The following SGCZ variants were observed in gnomAD, a reference collection of about 807,000 sequenced individuals.
SGCZ encodes sarcoglycan zeta.
In SGCZ, 40 loss-of-function variants were observed where a neutral mutation model predicts 41.3. That is an observed-to-expected ratio of 0.97 (90% CI 0.75 to 1.26). The LOEUF (loss-of-function observed/expected upper bound fraction) is 1.26. Ranked by LOEUF, SGCZ falls within the 50% of genes most tolerant of loss-of-function variation. SGCZ has a pLI of 0.00. For missense variants in SGCZ, 552 were observed against 369.8 expected, an observed-to-expected ratio of 1.49 and a Z score of -4.04; for synonymous variants, 206 against 137.5, an observed-to-expected ratio of 1.50 and a Z score of -3.49.
chr8:14,815,609 G>C (rs949089772), intron 1 of SGCZ, among the ~76,000 whole-genome samples: 7 of 152,126 alleles, frequency 4.6e-5, no homozygotes, highest in African/African-American at 1.4e-4. Context: ...GTACCACACA[G>C]AGTATGTATA....
At chr8:14,435,296 AT>A (rs1800057679) in intron 2 of SGCZ, among the ~76,000 whole-genome samples, 2 of 152,298 alleles carry the variant, frequency 1.3e-5, no homozygotes, top group African/African-American at 4.8e-5. Context: ...TTGTTCACCT[AT>A]TAAAATCCCA....
chr8:15,210,730 G>A (rs12386861), intron 1 of SGCZ, among the ~76,000 whole-genome samples: 118,711 of 152,050 alleles, frequency 0.78, 46,855 homozygotes, highest in Non-Finnish European at 0.83. Flanking sequence ...CCTTGCAGAC[G>A]TCCACACCAG....
intron 1 of SGCZ, among the ~76,000 whole-genome samples, chr8:14,955,337 C>T (rs942434384): frequency 1.3e-5 from 2 of 152,110 alleles, no homozygotes; most frequent in African/African-American, 4.8e-5. Context: ...TCAGTTTGTC[C>T]TTCCAAACAC....
intron 2 of SGCZ, among the ~76,000 whole-genome samples, chr8:14,393,899 C>T (rs1202310394): frequency 6.6e-6 from 1 of 152,096 alleles, no homozygotes; most frequent in Non-Finnish European, 1.5e-5. Flanking sequence ...TTTTCTATTG[C>T]CACCTTTCCA....
intron 3 of SGCZ, among the ~76,000 whole-genome samples, chr8:14,271,640 GA>G (rs1183520334): frequency 6.6e-6 from 1 of 152,074 alleles, no homozygotes; most frequent in African/African-American, 2.4e-5. Flanking sequence ...TATATAGAAA[GA>G]TTTTTTTCCT....
chr8:15,183,821 T>C (rs1480944876), intron 1 of SGCZ, among the ~76,000 whole-genome samples: 1 of 152,196 alleles, frequency 6.6e-6, no homozygotes, highest in Non-Finnish European at 1.5e-5. Context: ...CAACTTATGA[T>C]CTGTTCTCAC....
rs189422989 is a variant in SGCZ, at chr8:15,178,268, G to A, written c.39+59317C>T. Among the ~76,000 whole-genome samples the A allele has an allele frequency of 3.3e-3, 508 of 151,848 alleles. 6 individuals carry two copies. The highest frequency in any genetic ancestry group is 2.7e-3 in the East Asian group (14 of 5,146). On this transcript the variant is annotated intron_variant, in intron 1 of 7. Coordinates refer to ENST00000382080, the MANE Select transcript of SGCZ (RefSeq NM_139167.4). ...AAATCCCTTTGATGATAATGCAAGA[G>A]CATTACATTTTTCTATAAATTTTGT...
In SGCZ at chr8:14,421,508, C is replaced by G. The variant is rs889041880; in HGVS notation, c.235-97304G>C. The stretch of plus-strand genomic sequence containing the variant: ...TCCAAGGTATTCTTATTTCAGTGTC[C>G]AAATTTGAAATTCCTGGACATGTCT... On this transcript the variant is annotated intron_variant, in intron 2 of 7. Coordinates refer to ENST00000382080, the MANE Select transcript of SGCZ (RefSeq NM_139167.4). Among the ~76,000 whole-genome samples, 4 of 152,026 alleles carry G rather than the reference C, an allele frequency of 2.6e-5. 1 individual carries two copies. The highest frequency in any genetic ancestry group is 5.9e-5 in the Non-Finnish European group (4 of 67,996).
chr8:14,778,684 A>C (rs1458172460), intron 1 of SGCZ, among the ~76,000 whole-genome samples: 1 of 152,202 alleles, frequency 6.6e-6, no homozygotes, highest in Non-Finnish European at 1.5e-5. Flanking sequence ...CAATATTTCA[A>C]TGACGAGGAA....
At chr8:14,992,474 A>G (rs1003414816) in intron 1 of SGCZ, among the ~76,000 whole-genome samples, 1 of 147,938 alleles carries the variant, frequency 6.8e-6, no homozygotes, top group Non-Finnish European at 1.5e-5. Context: ...ATCTACTCCC[A>G]AATCTACTCC....
At chr8:14,967,956 A>C (rs1193654521) in intron 1 of SGCZ, among the ~76,000 whole-genome samples, 1 of 152,168 alleles carries the variant, frequency 6.6e-6, no homozygotes, top group African/African-American at 2.4e-5. Context: ...TCACATATAA[A>C]GTGTTCAGTA....
intron 2 of SGCZ, among the ~76,000 whole-genome samples, chr8:14,525,913 C>A (rs1409246045): frequency 6.6e-6 from 1 of 151,780 alleles, no homozygotes; most frequent in African/African-American, 2.4e-5. Flanking sequence ...TTACTTATTT[C>A]TCAGTATAAG....
In SGCZ at chr8:14,708,634, T is replaced by G. The variant is rs185620887; in HGVS notation, c.40-153708A>C. Among the ~76,000 whole-genome samples the G allele has an allele frequency of 1.7e-3, 263 of 152,150 alleles. 2 individuals carry two copies. Among genetic ancestry groups the G allele is most frequent in the African/African-American group, 6.2e-3 (258 of 41,532 alleles). On this transcript the variant is annotated intron_variant, in intron 1 of 7. Coordinates refer to ENST00000382080, the MANE Select transcript of SGCZ (RefSeq NM_139167.4). Reference sequence around the variant, plus strand: ...ACAGAAAACTGGTTTTAACAATCAGTTTGAAAAAAATTGACACACCATGCA... The same window carrying G: ...ACAGAAAACTGGTTTTAACAATCAGGTTGAAAAAAATTGACACACCATGCA...
chr8:14,404,805 G>C (rs532977237), intron 2 of SGCZ, among the ~76,000 whole-genome samples: 17 of 152,216 alleles, frequency 1.1e-4, no homozygotes, highest in Middle Eastern at 3.4e-3. Context: ...AAATTACATC[G>C]TCTAGGCTTC....
At chr8:14,247,551 C>G (rs7013623) in intron 3 of SGCZ, among the ~76,000 whole-genome samples, 20,834 of 152,250 alleles carry the variant, frequency 0.14, 1,567 homozygotes, top group Admixed American at 0.2. Context: ...AGTACTATCT[C>G]TATCTAAAGT....
At chr8:14,443,357 A>G (rs565327845) in intron 2 of SGCZ, among the ~76,000 whole-genome samples, 3 of 152,320 alleles carry the variant, frequency 2.0e-5, no homozygotes, top group South Asian at 4.1e-4. Flanking sequence ...CGCCAAGTCA[A>G]TCCTAAGCCA....
chr8:14,642,387 T>A (rs118081845), intron 1 of SGCZ, among the ~76,000 whole-genome samples: 11 of 151,660 alleles, frequency 7.3e-5, no homozygotes, highest in African/African-American at 2.2e-4. Context: ...CCATTTTTAA[T>A]ATCTATAGAC....
intron 1 of SGCZ, among the ~76,000 whole-genome samples, chr8:14,856,254 G>T (rs1474042155): frequency 6.6e-6 from 1 of 152,082 alleles, no homozygotes; most frequent in Non-Finnish European, 1.5e-5. Flanking sequence ...CTACATACTG[G>T]CACATCGATG....
chr8:14,424,942 T>A (rs78455780), intron 2 of SGCZ, among the ~76,000 whole-genome samples: 4,850 of 152,324 alleles, frequency 0.032, 108 homozygotes, highest in Non-Finnish European at 0.049. Context: ...AAATACAATA[T>A]GTTTCCAAAA....
Sources: gnomAD v4.1 joint callset for allele counts (sites outside exome capture counted in the v4.1 genomes callset) on GRCh38, gnomAD v4.1.1 for gene constraint, MANE v1.5 for transcripts, NCBI Gene and HGNC (gene_info 2026-07-23, HGNC 2026-07-21) for gene names.